Variants in PECAM1 observed in about 807,000 individuals in gnomAD.
The protein encoded by PECAM1 is platelet endothelial cell adhesion molecule.
PECAM1 carries 8 observed loss-of-function variants against 13.8 expected under a neutral mutation model. The ratio of observed to expected loss-of-function variants is 0.58; its 90% CI spans 0.34 to 1.05. The LOEUF is 1.05. Ranked by LOEUF, PECAM1 falls within the 50% of genes least tolerant of loss-of-function variation. The probability of loss-of-function intolerance (pLI) is 0.03; values close to 1 mark genes in which losing one functional copy is unlikely to be tolerated. For synonymous variants in PECAM1, 136 were observed against 52.6 expected, an observed-to-expected ratio of 2.58 and a Z score of -6.86; for missense variants, 304 against 141.2, an observed-to-expected ratio of 2.15 and a Z score of -5.84.
intron 9 of PECAM1, among the ~76,000 whole-genome samples, chr17:64,354,726 G>T (rs2035810931): frequency 1.3e-5 from 2 of 152,216 alleles, no homozygotes; most frequent in African/African-American, 4.8e-5. Flanking sequence ...AGGACTAGGT[G>T]TGGACAAATC....
chr17:64,334,289 T>A (rs1195807644), intron 14 of PECAM1, among the ~76,000 whole-genome samples: 1 of 151,852 alleles, frequency 6.6e-6, no homozygotes, highest in African/African-American at 2.4e-5. Context: ...GCCTGCCCCA[T>A]GCCCTATTGC....
At chr17:64,368,977 C>T (rs1434871443) in intron 5 of PECAM1, among the ~76,000 whole-genome samples, 2 of 101,532 alleles carry the variant, frequency 2.0e-5, no homozygotes, top group Non-Finnish European at 3.6e-5. Flanking sequence ...CACTCTGTGG[C>T]CCAGGCTGGA....
rs1326864073 is a variant in PECAM1, at chr17:64,320,114, T to G, written c.*3702A>C. ...TTCCCGTTTACCTTTCCATTTGCCC[T>G]TGCGGTGTTAGGCAAAGGCTGAAGC... is the stretch of plus-strand genomic sequence containing the variant. On this transcript the variant is annotated 3_prime_UTR_variant, in exon 16 of 16. Transcript: ENST00000563924. 2.0e-5 allele frequency: 3 copies of G among 152,236 alleles called. No individual in the cohort carries two copies. The highest frequency in any genetic ancestry group is 7.2e-5 in the African/African-American group (3 of 41,456). The allele number at this position is 152,236 out of a possible 1,614,324, so 9.4% of individuals were successfully genotyped here. A position where few individuals can be genotyped will look rare whatever the true frequency, so the allele number is the denominator to read the frequency against.
intron 10 of PECAM1, 104 bp downstream of exon 10, chr17:64,353,387 A>G: frequency 2.4e-6 from 1 of 412,792 alleles, no homozygotes; most frequent in Non-Finnish European, 4.4e-6. Context: ...TATTTTTCTA[A>G]GTTTGCCAAG....
intron 13 of PECAM1, among the ~76,000 whole-genome samples, chr17:64,344,123 G>A (rs2035503809): frequency 6.6e-6 from 1 of 152,036 alleles, no homozygotes; most frequent in Admixed American, 6.6e-5. Context: ...TCCGACCCAG[G>A]CCCACAGTGG....
At chr17:64,374,706 C>T (rs1400348816) in intron 4 of PECAM1, among the ~76,000 whole-genome samples, 4 of 151,972 alleles carry the variant, frequency 2.6e-5, no homozygotes, top group African/African-American at 9.7e-5. Context: ...ATTGCTTGAA[C>T]CCGGGAGGCA....
chr17:64,323,921 A>C lies in PECAM1; in HGVS notation c.2188-76T>G, dbSNP rs930949954. ...AGATTGCCCTGGTGGAGAGAAATGC[A>C]AAATGACAGCACTTCTCAAAGAAAA... On this transcript the variant is annotated intron_variant, in intron 15 of 15. Coordinates refer to ENST00000563924, the MANE Select transcript of PECAM1 (RefSeq NM_000442.5). The C allele has an allele frequency of 1.3e-5, 10 of 788,574 alleles. No individual in the cohort carries two copies. In the African/African-American group the frequency reaches 1.5e-4, roughly 12 times the overall value. 48.8% of individuals were successfully genotyped at this position (788,574 alleles called of 1,614,324 possible).
chr17:64,328,614 A>G (rs532175892), intron 15 of PECAM1, among the ~76,000 whole-genome samples: 123 of 152,312 alleles, frequency 8.1e-4, no homozygotes, highest in African/African-American at 2.9e-3. Context: ...GCTTTCTTCC[A>G]TAAAAAGAAT....
chr17:64,341,826 A>G, intron 13 of PECAM1, 136 bp from the exon 14 acceptor site: 1 of 398,122 alleles, frequency 2.5e-6, no homozygotes. Context: ...CCAGGTCCAG[A>G]AGCACCCAGA....
chr17:64,372,975 G>A (rs935781948), intron 4 of PECAM1, among the ~76,000 whole-genome samples: 2,007 of 151,380 alleles, frequency 0.013, 24 homozygotes, highest in Middle Eastern at 0.031. Flanking sequence ...TTAGCCAGGC[G>A]TGGTGGCACA....
intron 5 of PECAM1, among the ~76,000 whole-genome samples, chr17:64,367,692 G>A (rs1356497040): frequency 6.6e-6 from 1 of 152,170 alleles, no homozygotes; most frequent in East Asian, 1.9e-4. Flanking sequence ...ACAAAATGCT[G>A]TAGACTGGTC....
intron 13 of PECAM1, among the ~76,000 whole-genome samples, chr17:64,343,403 C>T (rs1446622323): frequency 6.6e-6 from 1 of 152,108 alleles, no homozygotes; most frequent in African/African-American, 2.4e-5. Flanking sequence ...AGTTACAGGG[C>T]CCCCTGAGCT....
intron 2 of PECAM1, among the ~76,000 whole-genome samples, chr17:64,389,149 G>A (rs2036663522): frequency 6.6e-6 from 1 of 152,128 alleles, no homozygotes; most frequent in Non-Finnish European, 1.5e-5. Flanking sequence ...CCCAGCCTGG[G>A]GCCACTGCTC....
At chr17:64,324,151 A>T (rs1356791611) in intron 15 of PECAM1, among the ~76,000 whole-genome samples, 1 of 152,214 alleles carries the variant, frequency 6.6e-6, no homozygotes, top group Non-Finnish European at 1.5e-5. Flanking sequence ...GCAAACAGGG[A>T]AAGTAATTTT....
At chr17:64,348,108 A>T (rs1057486787) in intron 13 of PECAM1, among the ~76,000 whole-genome samples, 152 bp downstream of exon 13, 9 of 152,150 alleles carry the variant, frequency 5.9e-5, no homozygotes, top group African/African-American at 1.9e-4. Flanking sequence ...TGCTCCTTCC[A>T]GTCTTAGCAG....
intron 14 of PECAM1, 64 bp downstream of exon 14, chr17:64,341,570 C>G (rs981484934): frequency 5.3e-5 from 22 of 418,232 alleles, no homozygotes; most frequent in African/African-American, 4.3e-4. Context: ...TGCCCACTCC[C>G]AAGGCCCCAT....
chr17:64,386,499 A>C lies in PECAM1; in HGVS notation c.91+3990T>G, dbSNP rs1268818446. Among the ~76,000 whole-genome samples, 6 of 152,268 alleles carry C rather than the reference A, an allele frequency of 3.9e-5. No individual in the cohort carries two copies. In the East Asian group the frequency reaches 9.6e-4, roughly 24 times the overall value. On this transcript the variant is annotated intron_variant, in intron 2 of 15. Transcript: ENST00000563924. ...GTGAATGTACTAAATGTCATTAATAATAAATGTTATATTATTTGTATTTTA... is the reference window on the plus strand; with the variant it reads ...GTGAATGTACTAAATGTCATTAATACTAAATGTTATATTATTTGTATTTTA...
chr17:64,342,162 A>AAGT (rs1224378401), intron 13 of PECAM1, among the ~76,000 whole-genome samples: 9 of 2,670 alleles, frequency 3.4e-3, no homozygotes, highest in Non-Finnish European at 7.9e-3. Context: ...AAAAAAAAAA[A>AAGT]AGAAGAAGAA....
Position 64,354,716 on chromosome 17 carries a change from A to G in PECAM1, c.1888+217T>C, listed in dbSNP as rs947584754. 5.4e-3 allele frequency among the ~76,000 whole-genome samples: 830 copies of G among 152,356 alleles called. 3 individuals are homozygous for G. The highest frequency in any genetic ancestry group is 8.8e-3 in the Non-Finnish European group (597 of 68,036). Reference sequence around the variant, plus strand: ...TTGCACCCCACTCTACACGCATTACAGGACTAGGTGTGGACAAATCTACAG... The same window carrying G: ...TTGCACCCCACTCTACACGCATTACGGGACTAGGTGTGGACAAATCTACAG... On this transcript the variant is annotated intron_variant, in intron 9 of 15. Coordinates refer to ENST00000563924, the MANE Select transcript of PECAM1 (RefSeq NM_000442.5).
Sources: gnomAD v4.1 joint callset for allele counts (sites outside exome capture counted in the v4.1 genomes callset) on GRCh38, gnomAD v4.1.1 for gene constraint, MANE v1.5 for transcripts, NCBI Gene and HGNC (gene_info 2026-07-23, HGNC 2026-07-21) for gene names.